KCNMB2: variants seen among roughly 807,000 people sequenced by gnomAD.
KCNMB2 encodes potassium calcium-activated channel subfamily M regulatory beta subunit 2.
KCNMB2 carries 9 observed loss-of-function variants against 24.5 expected under a neutral mutation model. The ratio of observed to expected loss-of-function variants is 0.37; its 90% CI spans 0.22 to 0.64. The LOEUF (loss-of-function observed/expected upper bound fraction) is 0.64. Ranked by LOEUF, KCNMB2 falls within the 30% of genes least tolerant of loss-of-function variation. The pLI, the probability that KCNMB2 is intolerant of heterozygous loss-of-function variation, is 0.63. For missense variants in KCNMB2, 226 were observed against 284.3 expected, an observed-to-expected ratio of 0.79 and a Z score of 1.47; for synonymous variants, 109 against 104.4, an observed-to-expected ratio of 1.04 and a Z score of -0.27.
At chr3:178,610,770 C>G (rs1477683243) in intron 1 of KCNMB2, among the ~76,000 whole-genome samples, 1 of 152,144 alleles carries the variant, frequency 6.6e-6, no homozygotes, top group Non-Finnish European at 1.5e-5. Flanking sequence ...TAGCTAGGAT[C>G]TCCAGTACTA....
At chr3:178,726,371 G>A (rs902238110) in intron 1 of KCNMB2, among the ~76,000 whole-genome samples, 7 of 151,836 alleles carry the variant, frequency 4.6e-5, no homozygotes, top group African/African-American at 1.2e-4. Context: ...ATTTCTGTTG[G>A]TCTTTTCTCA....
intron 1 of KCNMB2, among the ~76,000 whole-genome samples, chr3:178,688,689 C>CT (rs536983233): frequency 2.6e-5 from 4 of 151,098 alleles, no homozygotes; most frequent in Non-Finnish European, 5.9e-5. Flanking sequence ...CTAGTGTTTG[C>CT]TTTTTTTTTA....
intron 1 of KCNMB2, among the ~76,000 whole-genome samples, chr3:178,626,044 G>A (rs1719105449): frequency 6.6e-6 from 1 of 152,214 alleles, no homozygotes; most frequent in Non-Finnish European, 1.5e-5. Context: ...GCACCCAGCT[G>A]AAGGTTAATT....
At chr3:178,754,141 T>C (rs1256464706) in intron 1 of KCNMB2, among the ~76,000 whole-genome samples, 1 of 135,926 alleles carries the variant, frequency 7.4e-6, no homozygotes, top group Non-Finnish European at 1.5e-5. Context: ...GGCTGAATAA[T>C]ATTCCATTGT....
chr3:178,599,041 T>C (rs1717982172), intron 1 of KCNMB2, among the ~76,000 whole-genome samples: 1 of 152,116 alleles, frequency 6.6e-6, no homozygotes, highest in South Asian at 2.1e-4. Context: ...AGCAAAGATA[T>C]GTCAAGGTCA....
intron 1 of KCNMB2, among the ~76,000 whole-genome samples, chr3:178,756,083 G>T (rs1160819425): frequency 6.6e-6 from 1 of 151,944 alleles, no homozygotes. Flanking sequence ...TGACAAATCA[G>T]TTCAACTGGA....
intron 1 of KCNMB2, among the ~76,000 whole-genome samples, chr3:178,785,379 ATAT>A: frequency 6.6e-6 from 1 of 152,154 alleles, no homozygotes; most frequent in South Asian, 2.1e-4. Context: ...ACATGATGAA[ATAT>A]TATACAGTAA....
chr3:178,791,471 A>G (rs1294093876), intron 1 of KCNMB2, among the ~76,000 whole-genome samples: 2 of 152,198 alleles, frequency 1.3e-5, no homozygotes, highest in Admixed American at 6.5e-5. Flanking sequence ...AATGAATCAC[A>G]CCGACAGGAT....
intron 1 of KCNMB2, among the ~76,000 whole-genome samples, chr3:178,745,112 T>C (rs1723621834): frequency 6.6e-6 from 1 of 152,236 alleles, no homozygotes; most frequent in East Asian, 1.9e-4. Context: ...ACACTTAGTA[T>C]GATACCTCTC....
intron 1 of KCNMB2, among the ~76,000 whole-genome samples, chr3:178,571,727 C>T (rs1257960559): frequency 6.6e-6 from 1 of 151,746 alleles, no homozygotes; most frequent in African/African-American, 2.4e-5. Context: ...TGTTGCCCTC[C>T]CTGTGTCCAC....
At chr3:178,829,160 T>C (rs1197927602) in intron 4 of KCNMB2, among the ~76,000 whole-genome samples, 1 of 152,168 alleles carries the variant, frequency 6.6e-6, no homozygotes, top group African/African-American at 2.4e-5. Flanking sequence ...TTAAGTTAAA[T>C]ATATTGAGTT....
chr3:178,760,463 CAA>C (rs1711796940), intron 1 of KCNMB2, among the ~76,000 whole-genome samples: 1 of 133,618 alleles, frequency 7.5e-6, no homozygotes, highest in Non-Finnish European at 1.6e-5. Flanking sequence ...TATCCATATC[CAA>C]GATATATATA....
intron 1 of KCNMB2, among the ~76,000 whole-genome samples, chr3:178,797,694 G>T (rs1324191632): frequency 6.6e-6 from 1 of 152,128 alleles, no homozygotes; most frequent in Non-Finnish European, 1.5e-5. Context: ...TAGTTTAATG[G>T]GAATAGCATT....
At chr3:178,735,329 G>A (rs1367603975) in intron 1 of KCNMB2, among the ~76,000 whole-genome samples, 1 of 114,196 alleles carries the variant, frequency 8.8e-6, no homozygotes, top group African/African-American at 3.9e-5. Context: ...CTTCACTCCA[G>A]GGTGCCAAGA....
At chr3:178,704,408 T>C (rs921710118) in intron 1 of KCNMB2, among the ~76,000 whole-genome samples, 1 of 152,150 alleles carries the variant, frequency 6.6e-6, no homozygotes, top group Admixed American at 6.6e-5. Context: ...TGTCTAGATA[T>C]GGTAGTCATT....
intron 1 of KCNMB2, among the ~76,000 whole-genome samples, chr3:178,732,220 TTG>T (rs1212256681): frequency 6.6e-6 from 1 of 152,230 alleles, no homozygotes; most frequent in Non-Finnish European, 1.5e-5. Context: ...AATATTGTGA[TTG>T]TGTTTTTTAA....
intron 1 of KCNMB2, among the ~76,000 whole-genome samples, chr3:178,680,124 G>T (rs1020323316): frequency 2.0e-5 from 3 of 152,112 alleles, no homozygotes; most frequent in Admixed American, 1.3e-4. Flanking sequence ...GCAGCTGATT[G>T]TTTCTGCTCC....
At chr3:178,757,322 A>C (rs1291553076) in intron 1 of KCNMB2, among the ~76,000 whole-genome samples, 1 of 115,616 alleles carries the variant, frequency 8.6e-6, no homozygotes, top group African/African-American at 3.4e-5. Flanking sequence ...CCAAGAGGAC[A>C]TATATATATG....
chr3:178,834,067 A>G (rs1715138290), intron 4 of KCNMB2, among the ~76,000 whole-genome samples: 1 of 152,180 alleles, frequency 6.6e-6, no homozygotes, highest in Non-Finnish European at 1.5e-5. Flanking sequence ...ACATGCCCCT[A>G]TGATTTGAGG....
Sources: allele counts gnomAD v4.1 joint callset (sites outside exome capture counted in the v4.1 genomes callset), GRCh38; gene constraint gnomAD v4.1.1; transcripts MANE v1.5; gene names NCBI Gene and HGNC (gene_info 2026-07-23, HGNC 2026-07-21).